The following MPHOSPH10 variants were observed in gnomAD, a reference collection of about 807,000 sequenced individuals.
The protein encoded by MPHOSPH10 is U3 small nucleolar ribonucleoprotein MPP10.
A neutral mutation model predicts 77.3 loss-of-function variants in MPHOSPH10; 33 were observed. The ratio of observed to expected loss-of-function variants is 0.43; its 90% CI spans 0.32 to 0.57. The LOEUF is 0.57. Among genes scored for constraint, MPHOSPH10 ranks in the 20% least tolerant of loss-of-function variants. The probability of loss-of-function intolerance (pLI) is 0.07; values close to 1 mark genes in which losing one functional copy is unlikely to be tolerated. For synonymous variants in MPHOSPH10, 245 were observed against 268.0 expected (o/e 0.91, Z 0.84); for missense variants, 708 against 780.1 (o/e 0.91, Z 1.10).
At chr2:71,139,758 A>G (rs1458964257) in intron 5 of MPHOSPH10, 37 bp from the exon 6 acceptor site, 6 of 1,454,296 alleles carry the variant, frequency 4.1e-6, no homozygotes, top group South Asian at 2.3e-5. Context: ...GGTCTAGTGG[A>G]TATCTACCTA....
chr2:71,143,650 A>G (rs1673654198), intron 7 of MPHOSPH10, among the ~76,000 whole-genome samples: 1 of 152,040 alleles, frequency 6.6e-6, no homozygotes, highest in Admixed American at 6.5e-5. Context: ...AACAAACCCC[A>G]GTCTGCATTC....
rs1162720840 is a variant in MPHOSPH10, at chr2:71,139,890, C to G, written c.1308+28C>G. On this transcript the variant is annotated intron_variant, in intron 6 of 10. Transcript: ENST00000244230. Reference sequence around the variant, plus strand: ...CAGTAAGAATTAAATTTAACTTAATCAAAATGTCACCAAGATTTTTAGAAA... The same window carrying G: ...CAGTAAGAATTAAATTTAACTTAATGAAAATGTCACCAAGATTTTTAGAAA... 14 of 1,421,480 alleles carry G rather than the reference C, an allele frequency of 9.8e-6. No individual in the cohort carries two copies. In the East Asian group the frequency reaches 3.0e-4, roughly 31 times the overall value. 88.1% of individuals were successfully genotyped at this position (1,421,480 alleles called of 1,614,324 possible).
intron 8 of MPHOSPH10, 146 bp from the exon 9 acceptor site, chr2:71,147,853 G>A (rs1451405775): frequency 3.2e-6 from 2 of 622,592 alleles, no homozygotes; most frequent in African/African-American, 3.7e-5. Context: ...TCTCCATTAG[G>A]TTTGCTGACT....
chr2:71,136,077 C>T (rs1171924248), intron 4 of MPHOSPH10, among the ~76,000 whole-genome samples: 1 of 152,136 alleles, frequency 6.6e-6, no homozygotes, highest in Non-Finnish European at 1.5e-5. Context: ...TAATTTATAC[C>T]ATCACAAACA....
intron 8 of MPHOSPH10, among the ~76,000 whole-genome samples, chr2:71,146,688 A>G (rs57958125): frequency 0.041 from 6,177 of 152,124 alleles, 376 homozygotes; most frequent in African/African-American, 0.13. Flanking sequence ...CTCTTTAAAC[A>G]CTAGAATGGA....
chr2:71,144,323 G>A, intron 7 of MPHOSPH10, 105 bp from the exon 8 acceptor site: 1 of 843,840 alleles, frequency 1.2e-6, no homozygotes, highest in Non-Finnish European at 1.8e-6. Flanking sequence ...TGTAGCTGAA[G>A]CTTTAGTGAT....
At chr2:71,145,509 GT>G (rs34190822) in intron 8 of MPHOSPH10, among the ~76,000 whole-genome samples, 2 of 147,874 alleles carry the variant, frequency 1.4e-5, no homozygotes, top group Non-Finnish European at 1.5e-5. Flanking sequence ...TGTTTGTTTG[GT>G]TTTTTTTTTG....
intron 6 of MPHOSPH10, among the ~76,000 whole-genome samples, chr2:71,140,697 T>G (rs1673593841): frequency 6.6e-6 from 1 of 152,216 alleles, no homozygotes; most frequent in Non-Finnish European, 1.5e-5. Context: ...TTTGTAAACT[T>G]AGAATAAAAC....
chr2:71,148,532 T>C (rs922852612), intron 9 of MPHOSPH10: 2 of 166,334 alleles, frequency 1.2e-5, no homozygotes, highest in Non-Finnish European at 2.6e-5. Context: ...CAGAAGAGGC[T>C]AGATATATCA....
chr2:71,130,964 G>A (rs988008807), intron 1 of MPHOSPH10: 5 of 561,256 alleles, frequency 8.9e-6, no homozygotes, highest in African/African-American at 7.7e-5. Context: ...GAGTGTTACT[G>A]AAATCACTCT....
At chr2:71,135,272 G>A (rs1459244941) in intron 4 of MPHOSPH10, among the ~76,000 whole-genome samples, 2 of 152,084 alleles carry the variant, frequency 1.3e-5, no homozygotes, top group Non-Finnish European at 2.9e-5. Context: ...TCTGCTGGGC[G>A]TGGTGGCTCA....
chr2:71,136,728 T>G (rs982573387), intron 4 of MPHOSPH10, among the ~76,000 whole-genome samples: 1 of 151,458 alleles, frequency 6.6e-6, no homozygotes, highest in Middle Eastern at 3.2e-3. Flanking sequence ...CCCCAACAAA[T>G]AAAGAAAGAA....
At chr2:71,148,160 G>T (rs1673754091) in intron 9 of MPHOSPH10, 54 bp downstream of exon 9, 4 of 1,429,034 alleles carry the variant, frequency 2.8e-6, no homozygotes, top group Non-Finnish European at 3.9e-6. Flanking sequence ...GTTGATCATA[G>T]CCAGACTCCA....
Position 71,149,201 on chromosome 2 carries a change from TTGG to T in MPHOSPH10, c.1666-17_1666-15del. The T allele has an allele frequency of 1.3e-6, 2 of 1,527,100 alleles. No individual in the cohort carries two copies. Among genetic ancestry groups the T allele is most frequent in the Non-Finnish European group, 1.8e-6 (2 of 1,136,370 alleles). 94.6% of individuals were successfully genotyped at this position (1,527,100 alleles called of 1,614,324 possible). A position where few individuals can be genotyped will look rare whatever the true frequency, so the allele number is the denominator to read the frequency against. On this transcript the variant is annotated intron_variant, in intron 9 of 10. Transcript: ENST00000244230. Reference sequence around the variant, plus strand: ...TTGTTAAACTTGATGAATGAATATGTTGGTGGTTATTTTTTTAATAGGAGAAAA... The same window carrying T: ...TTGTTAAACTTGATGAATGAATATGTTGGTTATTTTTTTAATAGGAGAAAA...
chr2:71,132,768 G>C, intron 1 of MPHOSPH10, 130 bp from the exon 2 acceptor site: 3 of 1,223,344 alleles, frequency 2.5e-6, no homozygotes, highest in Middle Eastern at 2.9e-4. Flanking sequence ...ATGTTGTTGG[G>C]GGCCAGAATC....
chr2:71,138,672 T>C, intron 5 of MPHOSPH10, 41 bp downstream of exon 5: 1 of 1,612,778 alleles, frequency 6.2e-7, no homozygotes, highest in Non-Finnish European at 8.5e-7. Context: ...CTGTGCTTTT[T>C]CCATGGTTCC....
At chr2:71,139,490 C>T (rs1673567664) in intron 5 of MPHOSPH10, 1 of 191,082 alleles carries the variant, frequency 5.2e-6, no homozygotes, top group South Asian at 1.7e-4. Context: ...CATTTTATTT[C>T]AATGGAAGAG....
At chr2:71,144,053 C>G (rs1673661429) in intron 7 of MPHOSPH10, among the ~76,000 whole-genome samples, 1 of 152,238 alleles carries the variant, frequency 6.6e-6, no homozygotes, top group South Asian at 2.1e-4. Flanking sequence ...TCCTACCTAT[C>G]AACAATGCAC....
In MPHOSPH10 at chr2:71,149,858, A is replaced by G. The variant is rs1324892816; in HGVS notation, c.1897-8A>G. The G allele has an allele frequency of 6.6e-7, 1 of 1,525,050 alleles. No individual in the cohort carries two copies. Among genetic ancestry groups the G allele is most frequent in the South Asian group, 1.3e-5 (1 of 75,202 alleles). The allele number at this position is 1,525,050 out of a possible 1,614,324, so 94.5% of individuals were successfully genotyped here. A position where few individuals can be genotyped will look rare whatever the true frequency, so the allele number is the denominator to read the frequency against. On this transcript the variant is annotated splice_polypyrimidine_tract_variant and splice_region_variant and intron_variant, in intron 10 of 10. Coordinates refer to ENST00000244230, the MANE Select transcript of MPHOSPH10 (RefSeq NM_005791.3). ...TACAGCATAAGCATGTGGTGTTTTT[A>G]ATTGCAGGATGAAGGTAAAGACAAG...
Sources: allele counts gnomAD v4.1 joint callset (sites outside exome capture counted in the v4.1 genomes callset), GRCh38; gene constraint gnomAD v4.1.1; transcripts MANE v1.5; gene names NCBI Gene and HGNC (gene_info 2026-07-23, HGNC 2026-07-21).